The following ELF4 variants were observed in gnomAD, a reference collection of about 807,000 sequenced individuals.
ELF4 encodes the protein E74 like ETS transcription factor 4.
A neutral mutation model predicts 31.7 loss-of-function variants in ELF4; 10 were observed. That is an observed-to-expected ratio of 0.32 (90% CI 0.19 to 0.54). The LOEUF (loss-of-function observed/expected upper bound fraction) is 0.54, where lower values mean the gene tolerates loss of function less well. ELF4 is among the 20% of genes least tolerant of loss of function. The pLI, the probability that ELF4 is intolerant of heterozygous loss-of-function variation, is 0.95. For synonymous variants in ELF4, 208 were observed against 226.7 expected (o/e 0.92, Z 0.74); for missense variants, 418 against 522.0 (o/e 0.80, Z 1.94).
intron 7 of ELF4, 34 bp downstream of exon 7, chrX:130,071,006 G>A: frequency 1.7e-6 from 2 of 1,208,011 alleles, no homozygotes; most frequent in East Asian, 3.0e-5. Context: ...TGATCCCCAG[G>A]GCAGGGGTTC....
At chrX:130,080,773 G>C (rs1200031002) in intron 2 of ELF4, among the ~76,000 whole-genome samples, 1 of 111,836 alleles carries the variant, frequency 8.9e-6, no homozygotes, top group Non-Finnish European at 1.9e-5. Context: ...TCAGGCTGGG[G>C]CCAAAAAGAC....
In ELF4 at chrX:130,071,427, G is replaced by C. The variant is rs772580240; in HGVS notation, c.533-8C>G. The C allele has an allele frequency of 2.1e-5, 25 of 1,207,590 alleles. No homozygotes were observed. On this transcript the variant is annotated splice_region_variant and splice_polypyrimidine_tract_variant and intron_variant, in intron 5 of 8. Transcript: ENST00000308167. ...TGCCCTTGGTCTTCCGGACTATGAG[G>C]GAAAGGTGAGTAGGATGAGGAGCAG...
chrX:130,108,590 C>A (rs1293857886), intron 1 of ELF4, among the ~76,000 whole-genome samples: 2 of 111,180 alleles, frequency 1.8e-5, no homozygotes, highest in Non-Finnish European at 1.9e-5. Flanking sequence ...CCAATATATG[C>A]CAGAGAAGAC....
chrX:130,091,749 C>CG, intron 1 of ELF4, among the ~76,000 whole-genome samples: 1 of 111,721 alleles, frequency 9.0e-6, no homozygotes, highest in South Asian at 3.7e-4. Context: ...TGACCTCGAG[C>CG]AGGTCACTTC....
chrX:130,068,762 G>C (rs1027131152), intron 8 of ELF4, among the ~76,000 whole-genome samples: 1 of 112,358 alleles, frequency 8.9e-6, no homozygotes, highest in Non-Finnish European at 1.9e-5. Context: ...GCCAGGACAC[G>C]GACGCCCTGG....
At chrX:130,100,536 C>T (rs1013539124) in intron 1 of ELF4, among the ~76,000 whole-genome samples, 2 of 111,700 alleles carry the variant, frequency 1.8e-5, no homozygotes, top group African/African-American at 6.5e-5. Flanking sequence ...TTTCTCAGGC[C>T]TGCCATGCCT....
chrX:130,101,815 A>ACAAAAC (rs1272928013), intron 1 of ELF4, among the ~76,000 whole-genome samples: 3 of 106,480 alleles, frequency 2.8e-5, no homozygotes, highest in African/African-American at 1.0e-4. Flanking sequence ...ACAAAACAAA[A>ACAAAAC]CAAAACAAAA....
At chrX:130,104,857 C>T (rs971922898) in intron 1 of ELF4, among the ~76,000 whole-genome samples, 1 of 111,924 alleles carries the variant, frequency 8.9e-6, no homozygotes, top group African/African-American at 3.2e-5. Context: ...GAAAATGACC[C>T]ATCAAGAAGG....
chrX:130,097,691 T>C (rs1933175272), intron 1 of ELF4, among the ~76,000 whole-genome samples: 1 of 112,723 alleles, frequency 8.9e-6, no homozygotes, highest in South Asian at 3.6e-4. Flanking sequence ...GCCTCAGCAG[T>C]GCTAGGTGGT....
intron 1 of ELF4, among the ~76,000 whole-genome samples, chrX:130,092,148 G>A (rs1339231520): frequency 8.9e-6 from 1 of 112,572 alleles, no homozygotes; most frequent in Non-Finnish European, 1.9e-5. Context: ...AGGGAGACAG[G>A]GAAAGGACTC....
chrX:130,087,759 C>T (rs755023077), intron 1 of ELF4, among the ~76,000 whole-genome samples: 4 of 112,316 alleles, frequency 3.6e-5, no homozygotes, highest in East Asian at 2.8e-4. Context: ...TGAGCCACCG[C>T]GCCTGGCCAG....
At chrX:130,075,837 AG>A (rs757629462) in intron 2 of ELF4, among the ~76,000 whole-genome samples, 1 of 111,663 alleles carries the variant, frequency 9.0e-6, no homozygotes, top group Non-Finnish European at 1.9e-5. Flanking sequence ...GACAGAACAG[AG>A]GCATTATAGA....
At chrX:130,099,523 G>A in intron 1 of ELF4, among the ~76,000 whole-genome samples, 1 of 110,901 alleles carries the variant, frequency 9.0e-6, no homozygotes, top group Admixed American at 9.6e-5. Context: ...GCAGTGAGCC[G>A]AGATCACGCC....
rs1182178976 is a variant in ELF4 at position 130,067,327 on chromosome X, A to G, written c.1386T>C (p.Ser462=). ...CTTGGAAACTGGCGTTCAGGGGGAA[A>G]GAGGCCTGCAAAGTGAAGGTGTCCT... The part of the protein sequence containing the change: ...TFKDTFTLQA[S]FPLNASFQDS... Residue 462 remains serine (S), a synonymous_variant, in exon 9 of 9, where the codon TCT becomes TCC. Coordinates refer to ENST00000308167, the MANE Select transcript of ELF4 (RefSeq NM_001421.4). The G allele has an allele frequency of 8.2e-7, 1 of 1,212,228 alleles. No individual in the cohort carries two copies. Among genetic ancestry groups the G allele is most frequent in the Non-Finnish European group, 1.1e-6 (1 of 895,591 alleles).
Position 130,066,506 on chromosome X carries a change from A to G in ELF4, c.*215T>C, listed in dbSNP as rs1932674741. On this transcript the variant is annotated 3_prime_UTR_variant, in exon 9 of 9. Transcript: ENST00000308167. Reference sequence around the variant, plus strand: ...CAGCCCGTTATGCTGCCAAAAGCATATGCCCTAGTGCTCTTGAAGGCCATA... The same window carrying G: ...CAGCCCGTTATGCTGCCAAAAGCATGTGCCCTAGTGCTCTTGAAGGCCATA... The G allele has an allele frequency of 2.6e-5, 11 of 423,817 alleles. No individual in the cohort carries two copies. In the East Asian group the frequency reaches 4.2e-4, roughly 16 times the overall value. The allele number at this position is 423,817 out of a possible 1,213,427, so 34.9% of individuals were successfully genotyped here.
At chrX:130,094,583 G>C (rs990610385) in intron 1 of ELF4, among the ~76,000 whole-genome samples, 2 of 108,290 alleles carry the variant, frequency 1.8e-5, no homozygotes, top group Admixed American at 2.0e-4. Flanking sequence ...AAAAAAGAGA[G>C]AGAGAGAGAG....
chrX:130,071,993 T>C (rs1328330220), intron 5 of ELF4, among the ~76,000 whole-genome samples: 1 of 112,041 alleles, frequency 8.9e-6, no homozygotes, highest in Non-Finnish European at 1.9e-5. Context: ...ATCGAGATCA[T>C]TAATGTTTCT....
rs773683229 is a variant in ELF4, at chrX:130,084,936, G to C, written c.-209-3397C>G. On this transcript the variant is annotated intron_variant, in intron 1 of 8. Coordinates refer to ENST00000308167, the MANE Select transcript of ELF4 (RefSeq NM_001421.4). ...TGGGCCAGGGAGGCCCCCACCAGGG[G>C]CTCCCTTCTCCAGTGGGCCCTTTGG... is the stretch of plus-strand genomic sequence containing the variant. Among the ~76,000 whole-genome samples the C allele has an allele frequency of 2.7e-5, 3 of 112,678 alleles. No homozygotes were observed. The Admixed American group carries it at 2.8e-4, about 11-fold the overall frequency.
chrX:130,088,492 A>G (rs995969319), intron 1 of ELF4, among the ~76,000 whole-genome samples: 8 of 111,495 alleles, frequency 7.2e-5, no homozygotes, highest in African/African-American at 2.3e-4. Flanking sequence ...AGGGTGGATC[A>G]CCTGAGGTCA....
Sources: gnomAD v4.1 joint callset for allele counts (sites outside exome capture counted in the v4.1 genomes callset) on GRCh38, gnomAD v4.1.1 for gene constraint, MANE v1.5 for transcripts, NCBI Gene and HGNC (gene_info 2026-07-23, HGNC 2026-07-21) for gene names.